SCAPER: variants seen among roughly 807,000 people sequenced by gnomAD.
SCAPER encodes the protein S-phase cyclin A associated protein in the ER, also known as S phase cyclin A-associated protein in the endoplasmic reticulum.
A neutral mutation model predicts 182.2 loss-of-function variants in SCAPER; 98 were observed. The ratio of observed to expected loss-of-function variants is 0.54; its 90% CI spans 0.46 to 0.64. The LOEUF is 0.64. Ranked by LOEUF, SCAPER falls within the 30% of genes least tolerant of loss-of-function variation. The pLI is 0.00. For synonymous variants in SCAPER, 605 were observed against 564.6 expected (o/e 1.07, Z -1.01); for missense variants, 1,432 against 1,690.0 (o/e 0.85, Z 2.68).
chr15:76,540,472 A>T (rs924288392), intron 23 of SCAPER, among the ~76,000 whole-genome samples: 4 of 152,180 alleles, frequency 2.6e-5, no homozygotes, highest in African/African-American at 9.7e-5. Flanking sequence ...TTGACATGAG[A>T]TGTTCATATA....
intron 8 of SCAPER, among the ~76,000 whole-genome samples, chr15:76,783,547 T>A (rs564296141): frequency 6.6e-6 from 1 of 152,038 alleles, no homozygotes; most frequent in Non-Finnish European, 1.5e-5. Context: ...GCCAGCATCA[T>A]CCAGATATGA....
At chr15:76,356,539 C>T (rs1050592754) in intron 29 of SCAPER, among the ~76,000 whole-genome samples, 4 of 152,120 alleles carry the variant, frequency 2.6e-5, no homozygotes, top group East Asian at 1.9e-4. Context: ...GAACAAAATA[C>T]GCATAATTAA....
At chr15:76,850,303 C>T (rs986733177) in intron 4 of SCAPER, among the ~76,000 whole-genome samples, 1 of 152,194 alleles carries the variant, frequency 6.6e-6, no homozygotes, top group African/African-American at 2.4e-5. Context: ...AGTGCAGCCT[C>T]TCCTCCCTAG....
At chr15:76,875,860 G>C (rs2073104771) in intron 2 of SCAPER, among the ~76,000 whole-genome samples, 1 of 152,236 alleles carries the variant, frequency 6.6e-6, no homozygotes, top group Non-Finnish European at 1.5e-5. Flanking sequence ...TCACTGCAAA[G>C]AGCGAAAGAG....
At chr15:76,666,610 C>T (rs2056592980) in intron 20 of SCAPER, among the ~76,000 whole-genome samples, 1 of 152,130 alleles carries the variant, frequency 6.6e-6, no homozygotes, top group Admixed American at 6.5e-5. Flanking sequence ...GAAATTACAC[C>T]TCAAGTGGCC....
intron 23 of SCAPER, among the ~76,000 whole-genome samples, chr15:76,508,852 C>T (rs538137691): frequency 8.5e-5 from 13 of 152,216 alleles, no homozygotes; most frequent in African/African-American, 2.4e-4. Flanking sequence ...CTCCCTGAAG[C>T]GACAACTGAT....
intron 5 of SCAPER, among the ~76,000 whole-genome samples, chr15:76,831,353 T>C (rs1298526455): frequency 2.0e-5 from 3 of 151,972 alleles, no homozygotes; most frequent in Non-Finnish European, 1.5e-5. Flanking sequence ...ACTGAAATGC[T>C]TGTCAGTGGC....
intron 24 of SCAPER, among the ~76,000 whole-genome samples, chr15:76,487,299 T>A (rs1035093040): frequency 1.5e-5 from 2 of 130,384 alleles, no homozygotes; most frequent in Non-Finnish European, 1.6e-5. Context: ...AGTTTACATA[T>A]GTAACAAAAT....
At chr15:76,616,313 T>G (rs2051481003) in intron 22 of SCAPER, among the ~76,000 whole-genome samples, 2 of 152,210 alleles carry the variant, frequency 1.3e-5, no homozygotes, top group Non-Finnish European at 2.9e-5. Flanking sequence ...TTCTTATCCT[T>G]GGTGCAACAT....
At chr15:76,615,492 G>GACACAGACAC (rs2051380100) in intron 22 of SCAPER, among the ~76,000 whole-genome samples, 1 of 140,680 alleles carries the variant, frequency 7.1e-6, no homozygotes, top group African/African-American at 2.7e-5. Context: ...CACACACACA[G>GACACAGACAC]ACACACACAC....
At chr15:76,808,206 C>A (rs1434596513) in intron 5 of SCAPER, among the ~76,000 whole-genome samples, 1 of 152,222 alleles carries the variant, frequency 6.6e-6, no homozygotes, top group Admixed American at 6.5e-5. Context: ...TTTCCAGCTG[C>A]AGCCTGAGGG....
chr15:76,439,087 A>AT (rs547381211), intron 25 of SCAPER, among the ~76,000 whole-genome samples: 11,816 of 146,746 alleles, frequency 0.081, 591 homozygotes, highest in Middle Eastern at 0.12. Context: ...AGACAAAATG[A>AT]TTTTTTTTTT....
chr15:76,384,463 T>A (rs1032335548), intron 27 of SCAPER, among the ~76,000 whole-genome samples: 9 of 152,278 alleles, frequency 5.9e-5, no homozygotes, highest in South Asian at 4.1e-4. Context: ...ATCTTTTTTT[T>A]AAAAAAAGTG....
At chr15:76,851,502 T>C (rs1430003871) in intron 4 of SCAPER, among the ~76,000 whole-genome samples, 2 of 151,982 alleles carry the variant, frequency 1.3e-5, no homozygotes, top group Admixed American at 1.3e-4. Context: ...ACCTCTCAGC[T>C]ACAAGCCAGA....
chr15:76,451,032 C>T (rs990965491), intron 25 of SCAPER, among the ~76,000 whole-genome samples: 1 of 152,164 alleles, frequency 6.6e-6, no homozygotes, highest in Admixed American at 6.5e-5. Flanking sequence ...TCCCTTTTGC[C>T]CCTGTGGGCA....
Position 76,404,578 on chromosome 15 carries a change from T to C in SCAPER, c.3413A>G (p.His1138Arg), listed in dbSNP as rs1399376423. Residue 1138 changes from histidine to arginine, a missense_variant, in exon 27 of 32, where the codon CAT (histidine) becomes CGT (arginine). Transcript: ENST00000563290. ...CATTGCATGTAAGAGTCCTGCGGCA[T>C]GCTGCAGAAATATGGCCATCTTGGG... ...ENPKMAIFLQ[H>R]AAGLLHAMCT... 6.2e-7 allele frequency: 1 copy of C among 1,613,570 alleles called. No individual in the cohort carries two copies. Among genetic ancestry groups the C allele is most frequent in the African/African-American group, 1.3e-5 (1 of 74,888 alleles).
chr15:76,610,025 T>C (rs2050839102), intron 22 of SCAPER, among the ~76,000 whole-genome samples: 1 of 152,116 alleles, frequency 6.6e-6, no homozygotes, highest in African/African-American at 2.4e-5. Flanking sequence ...CAGGGCTTGG[T>C]AAAAACGGAA....
intron 23 of SCAPER, among the ~76,000 whole-genome samples, chr15:76,529,103 G>A (rs192561684): frequency 9.8e-5 from 15 of 152,302 alleles, no homozygotes; most frequent in Non-Finnish European, 2.1e-4. Flanking sequence ...GAGTGCATAG[G>A]CATGATCTCA....
chr15:76,643,024 G>A (rs2054226821), intron 21 of SCAPER, among the ~76,000 whole-genome samples: 1 of 152,152 alleles, frequency 6.6e-6, no homozygotes, highest in African/African-American at 2.4e-5. Flanking sequence ...TCTACCAGTT[G>A]CTCTGGGATA....
Sources: allele counts gnomAD v4.1 joint callset (sites outside exome capture counted in the v4.1 genomes callset), GRCh38; gene constraint gnomAD v4.1.1; transcripts MANE v1.5; gene names NCBI Gene and HGNC (gene_info 2026-07-23, HGNC 2026-07-21).